Variants in NALF1 observed in about 807,000 individuals in gnomAD.
The protein encoded by NALF1 is family with sequence similarity 155 member A.
NALF1 carries 3 observed loss-of-function variants against 48.4 expected under a neutral mutation model. The observed-to-expected ratio is 0.06, with a 90% CI of 0.03 to 0.16. The LOEUF is 0.16. Among genes scored for constraint, NALF1 ranks in the 10% least tolerant of loss-of-function variants. The pLI is 1.00. For missense variants in NALF1, 526 were observed against 571.5 expected (o/e 0.92, Z 0.81); for synonymous variants, 262 against 245.7 (o/e 1.07, Z -0.62).
At chr13:107,675,282 C>T (rs910305635) in intron 1 of NALF1, among the ~76,000 whole-genome samples, 2 of 152,162 alleles carry the variant, frequency 1.3e-5, no homozygotes, top group South Asian at 4.1e-4. Flanking sequence ...CCCCACTGGG[C>T]TATAGGCTCT....
intron 1 of NALF1, among the ~76,000 whole-genome samples, chr13:107,791,788 C>CA (rs1566483347): frequency 1.3e-5 from 2 of 150,192 alleles, no homozygotes; most frequent in Non-Finnish European, 3.0e-5. Flanking sequence ...CGCCCCCCCC[C>CA]GTCTCTACTA....
intron 1 of NALF1, among the ~76,000 whole-genome samples, chr13:107,259,500 G>A (rs571152131): frequency 6.6e-6 from 1 of 152,146 alleles, no homozygotes. Flanking sequence ...ACATTGAGAG[G>A]CATGAGGACA....
chr13:107,772,627 A>T (rs887572660), intron 1 of NALF1, among the ~76,000 whole-genome samples: 1 of 152,216 alleles, frequency 6.6e-6, no homozygotes, highest in Admixed American at 6.5e-5. Flanking sequence ...GATTTGCAGC[A>T]TCATTTACAG....
chr13:107,751,120 C>T (rs564636578), intron 1 of NALF1, among the ~76,000 whole-genome samples: 8 of 152,310 alleles, frequency 5.3e-5, no homozygotes, highest in Middle Eastern at 3.4e-3. Flanking sequence ...GGAGGAAAAG[C>T]TGCTTTTCCA....
At chr13:107,396,527 G>A (rs986183354) in intron 1 of NALF1, among the ~76,000 whole-genome samples, 1 of 152,148 alleles carries the variant, frequency 6.6e-6, no homozygotes, top group Non-Finnish European at 1.5e-5. Flanking sequence ...CACTCCGGGG[G>A]ACTGAGTGGC....
intron 1 of NALF1, among the ~76,000 whole-genome samples, chr13:107,562,448 C>T (rs1877675089): frequency 6.6e-6 from 1 of 152,326 alleles, no homozygotes; most frequent in Admixed American, 6.5e-5. Flanking sequence ...CTGGCTCCGA[C>T]CCTGCTGTGC....
intron 1 of NALF1, among the ~76,000 whole-genome samples, chr13:107,289,883 G>T (rs1294669275): frequency 6.6e-6 from 1 of 152,138 alleles, no homozygotes; most frequent in Non-Finnish European, 1.5e-5. Context: ...AAGAATAAAT[G>T]GAATTAAAAG....
At chr13:107,824,965 T>C (rs548260829) in intron 1 of NALF1, among the ~76,000 whole-genome samples, 19 of 152,324 alleles carry the variant, frequency 1.2e-4, no homozygotes, top group African/African-American at 4.3e-4. Context: ...TACTAGGACA[T>C]GATCCCAAAC....
At chr13:107,643,513 A>G (rs1880219860) in intron 1 of NALF1, among the ~76,000 whole-genome samples, 1 of 146,352 alleles carries the variant, frequency 6.8e-6, no homozygotes, top group African/African-American at 2.5e-5. Flanking sequence ...ATGTAAATAC[A>G]GTATAATTTC....
chr13:107,470,811 T>C (rs1885088580), intron 1 of NALF1, among the ~76,000 whole-genome samples: 1 of 152,134 alleles, frequency 6.6e-6, no homozygotes, highest in African/African-American at 2.4e-5. Flanking sequence ...ATAATACACA[T>C]ATACATGTAT....
chr13:107,668,144 G>A (rs1306483626), intron 1 of NALF1, among the ~76,000 whole-genome samples: 1 of 151,900 alleles, frequency 6.6e-6, no homozygotes, highest in South Asian at 2.1e-4. Flanking sequence ...ACTGGACTAT[G>A]GTAAGGCATA....
intron 1 of NALF1, among the ~76,000 whole-genome samples, chr13:107,708,307 T>C (rs1875463681): frequency 6.6e-6 from 1 of 152,182 alleles, no homozygotes; most frequent in Admixed American, 6.5e-5. Context: ...ATTATACTTA[T>C]GGATGCTCCC....
chr13:107,865,225 A>G (rs1355450082), intron 1 of NALF1, among the ~76,000 whole-genome samples: 1 of 152,206 alleles, frequency 6.6e-6, no homozygotes, highest in African/African-American at 2.4e-5. Context: ...CAACCAACTT[A>G]ATGATGTCAC....
chr13:107,688,691 A>C (rs949123170), intron 1 of NALF1, among the ~76,000 whole-genome samples: 2 of 152,238 alleles, frequency 1.3e-5, no homozygotes, highest in Admixed American at 6.5e-5. Flanking sequence ...TGTCAAAGAC[A>C]GTGTATCTCT....
intron 2 of NALF1, among the ~76,000 whole-genome samples, chr13:107,203,881 C>T (rs1231172751): frequency 6.6e-6 from 1 of 152,048 alleles, no homozygotes; most frequent in Non-Finnish European, 1.5e-5. Flanking sequence ...CAAAGGCTGT[C>T]GAGGTGAGCA....
intron 1 of NALF1, among the ~76,000 whole-genome samples, chr13:107,499,317 C>T (rs1352351625): frequency 6.6e-6 from 1 of 152,044 alleles, no homozygotes; most frequent in African/African-American, 2.4e-5. Flanking sequence ...TCCCTGTCTT[C>T]CGTTTAAAAG....
chr13:107,659,532 C>T (rs924553788), intron 1 of NALF1, among the ~76,000 whole-genome samples: 17 of 151,436 alleles, frequency 1.1e-4, no homozygotes, highest in Admixed American at 5.3e-4. Flanking sequence ...TTGAAACATA[C>T]AGTAGTCTAA....
chr13:107,740,122 C>T lies in NALF1; in HGVS notation c.915+125560G>A, dbSNP rs10219808. Among the ~76,000 whole-genome samples, 400 of 152,264 alleles carry T rather than the reference C, an allele frequency of 2.6e-3. 2 individuals are homozygous for T. The highest frequency in any genetic ancestry group is 9.2e-3 in the African/African-American group (383 of 41,556). ...TCTGTGGAAAAATTGTCCACAAAAC[C>T]GGTCCCTGGTGCCAAAAGGTTGGAA... On this transcript the variant is annotated intron_variant, in intron 1 of 2. Transcript: ENST00000375915.
In NALF1 at chr13:107,622,203, C is replaced by T. The variant is rs991960931; in HGVS notation, c.915+243479G>A. Among the ~76,000 whole-genome samples the T allele has an allele frequency of 6.6e-5, 10 of 151,840 alleles. No individual in the cohort carries two copies. The East Asian group carries it at 1.9e-3, about 29-fold the overall frequency. On this transcript the variant is annotated intron_variant, in intron 1 of 2. Coordinates refer to ENST00000375915, the MANE Select transcript of NALF1 (RefSeq NM_001080396.3). Reference sequence around the variant, plus strand: ...CAGCACTTTGGGAGGCCAAGGCGGGCAGATCATCTAAGGTCAGGAGTTCAA... The same window carrying T: ...CAGCACTTTGGGAGGCCAAGGCGGGTAGATCATCTAAGGTCAGGAGTTCAA...
Sources: allele counts gnomAD v4.1 joint callset (sites outside exome capture counted in the v4.1 genomes callset), GRCh38; gene constraint gnomAD v4.1.1; transcripts MANE v1.5; gene names NCBI Gene and HGNC (gene_info 2026-07-23, HGNC 2026-07-21).